Variants in KDM2B observed in about 807,000 individuals in gnomAD.
The protein encoded by KDM2B is lysine-specific demethylase 2B.
Under a neutral mutation model 150.0 loss-of-function variants are expected in KDM2B, and 26 were observed. The observed-to-expected ratio is 0.17, with a 90% confidence interval of 0.13 to 0.24. The LOEUF is 0.24. Among genes scored for constraint, KDM2B ranks in the 10% least tolerant of loss-of-function variants. KDM2B has a pLI of 1.00. For synonymous variants in KDM2B, 734 were observed against 729.5 expected, an observed-to-expected ratio of 1.01 and a Z score of -0.10; for missense variants, 1,265 against 1,816.9, an observed-to-expected ratio of 0.70 and a Z score of 5.52.
the KDM2B span, chr12:121,423,316 C>T: frequency 4.0e-5 from 52 of 1,309,734 alleles, no homozygotes; most frequent in South Asian, 2.4e-4. This position sits in a 1 kb window ranked among gnomAD's most constrained non-coding sequence, Gnocchi z 4.3. Flanking sequence ...TGCTCAGCTT[C>T]GGACTGGGAG....
At chr12:121,551,339 C>A (rs1889472642) in intron 4 of KDM2B, among the ~76,000 whole-genome samples, 1 of 151,158 alleles carries the variant, frequency 6.6e-6, no homozygotes, top group African/African-American at 2.4e-5. Context: ...CAGCAAGATT[C>A]CATTCTTTTT....
intron 11 of KDM2B, among the ~76,000 whole-genome samples, chr12:121,495,304 G>T (rs1343340857): frequency 2.0e-5 from 3 of 152,064 alleles, no homozygotes; most frequent in Non-Finnish European, 4.4e-5. Context: ...GTGAATGCAG[G>T]TGTGCACCAC....
intron 6 of KDM2B, among the ~76,000 whole-genome samples, chr12:121,535,210 C>CAAA (rs34287525): frequency 7.8e-6 from 1 of 128,906 alleles, no homozygotes; most frequent in East Asian, 2.2e-4. Flanking sequence ...GTTAAATGAC[C>CAAA]AAAAAAAAAA....
chr12:121,523,448 C>T (rs76215871), intron 8 of KDM2B, among the ~76,000 whole-genome samples: 4,048 of 152,322 alleles, frequency 0.027, 173 homozygotes, highest in African/African-American at 0.093. Flanking sequence ...GTCCCCTCCT[C>T]TCCCAGCCAT....
At chr12:121,408,982 T>C in the KDM2B span, among the ~76,000 whole-genome samples, 1 of 152,054 alleles carries the variant, frequency 6.6e-6, no homozygotes, top group African/African-American at 2.4e-5. Flanking sequence ...CCCTTTCTTT[T>C]TTTTTTTGAG....
rs1209767461 is a variant in KDM2B, at chr12:121,467,309, C to T, written c.1735-13965G>A. On this transcript the variant is annotated intron_variant, in intron 12 of 22. Coordinates refer to ENST00000377071, the MANE Select transcript of KDM2B (RefSeq NM_032590.5). This position sits in a 1 kb window ranked among gnomAD's most constrained non-coding sequence, Gnocchi z 5.1. ...CAGGCTCGGCTCGCCCTGGCTCGGG[C>T]TCGGGCTCGGGCTCGGGCTCCCGCT... 8 of 982,498 alleles carry T rather than the reference C, an allele frequency of 8.1e-6. No homozygotes were observed. The highest frequency in any genetic ancestry group is 9.7e-6 in the Non-Finnish European group (8 of 828,950). The allele number at this position is 982,498 out of a possible 1,614,324, so 60.9% of individuals were successfully genotyped here.
rs148693185 is a variant in KDM2B at position 121,518,944 on chromosome 12, T to C, written c.1047+2041A>G. Among the ~76,000 whole-genome samples, 1,190 of 152,252 alleles carry C rather than the reference T, an allele frequency of 7.8e-3. 11 individuals carry two copies. The highest frequency in any genetic ancestry group is 0.028 in the African/African-American group (1,143 of 41,538). Reference sequence around the variant, plus strand: ...ATCCAAACAGTGCCTTTCTCCTGAATGGCATGGGGCGGCTCCTCCAGACCA... The same window carrying C: ...ATCCAAACAGTGCCTTTCTCCTGAACGGCATGGGGCGGCTCCTCCAGACCA... On this transcript the variant is annotated intron_variant, in intron 9 of 22. Coordinates refer to ENST00000377071, the MANE Select transcript of KDM2B (RefSeq NM_032590.5). This position sits in a 1 kb window ranked among gnomAD's most constrained non-coding sequence, Gnocchi z 4.4.
intron 1 of KDM2B, chr12:121,580,237 C>T: frequency 1.5e-6 from 2 of 1,323,644 alleles, no homozygotes; most frequent in Non-Finnish European, 1.9e-6. Context: ...CCTAGGAAAC[C>T]ATTTTCAGCA....
At chr12:121,436,585 C>T (rs1024049765) in intron 22 of KDM2B, among the ~76,000 whole-genome samples, 4 of 150,656 alleles carry the variant, frequency 2.7e-5, no homozygotes, top group Admixed American at 6.6e-5. Flanking sequence ...AGCAAAAAGA[C>T]ATTGACATGG....
At chr12:121,463,661 G>A (rs1280009195) in intron 12 of KDM2B, among the ~76,000 whole-genome samples, 1 of 152,168 alleles carries the variant, frequency 6.6e-6, no homozygotes, top group African/African-American at 2.4e-5. Flanking sequence ...ACTCACTGCA[G>A]CTTCGAACTC....
chr12:121,558,643 C>T lies in KDM2B; in HGVS notation c.398-9005G>A, dbSNP rs567214458. Among the ~76,000 whole-genome samples the T allele has an allele frequency of 1.2e-3, 186 of 152,000 alleles. 1 individual carries two copies. The highest frequency in any genetic ancestry group is 1.7e-3 in the South Asian group (8 of 4,804). On this transcript the variant is annotated intron_variant, in intron 4 of 22. Transcript: ENST00000377071. Reference sequence around the variant, plus strand: ...CTAATTTTTGTATTTTTTGTAGAGACGGGGTTTCCTCATGTTGGCCAAGAT... The same window carrying T: ...CTAATTTTTGTATTTTTTGTAGAGATGGGGTTTCCTCATGTTGGCCAAGAT...
Position 121,444,557 on chromosome 12 carries a change from C to T in KDM2B, c.2104-21G>A, listed in dbSNP as rs1330429545. On this transcript the variant is annotated intron_variant, in intron 14 of 22. Transcript: ENST00000377071. ...TTAATCTGCGGGGAACACCAGGACTCAGAAGAGGGACGGGCGGAGAAGATG... is the reference window on the plus strand; with the variant it reads ...TTAATCTGCGGGGAACACCAGGACTTAGAAGAGGGACGGGCGGAGAAGATG... 5 of 1,609,356 alleles carry T rather than the reference C, an allele frequency of 3.1e-6. No homozygotes were observed. The East Asian group carries it at 1.1e-4, about 36-fold the overall frequency.
chr12:121,577,191 G>A (rs1200531291), intron 2 of KDM2B, among the ~76,000 whole-genome samples: 3 of 152,048 alleles, frequency 2.0e-5, no homozygotes, highest in Non-Finnish European at 4.4e-5. Flanking sequence ...CTCCCTGGCT[G>A]GAATACCGGC....
rs1193822807 is a variant in KDM2B, at chr12:121,549,282, T to C, written c.576+178A>G. 2.0e-5 allele frequency among the ~76,000 whole-genome samples: 3 copies of C among 151,914 alleles called. No individual in the cohort carries two copies. Among genetic ancestry groups the C allele is most frequent in the African/African-American group, 7.3e-5 (3 of 41,340 alleles). On this transcript the variant is annotated intron_variant, in intron 5 of 22. Coordinates refer to ENST00000377071, the MANE Select transcript of KDM2B (RefSeq NM_032590.5). The surrounding 1 kb of genome is among the most constrained non-coding windows in gnomAD (Gnocchi z 4.4). The stretch of plus-strand genomic sequence containing the variant: ...GAGTTCAAGGCCAGCCTGGGCAACA[T>C]AGCAAGATCCCTGTCTCTACAAACC...
At chr12:121,554,506 G>A (rs1475767324) in intron 4 of KDM2B, among the ~76,000 whole-genome samples, 1 of 151,930 alleles carries the variant, frequency 6.6e-6, no homozygotes, top group African/African-American at 2.4e-5. Flanking sequence ...TGCCTCCCAG[G>A]TTCAAGCGAT....
intron 8 of KDM2B, among the ~76,000 whole-genome samples, chr12:121,530,008 C>G (rs1371301784): frequency 6.6e-6 from 1 of 150,720 alleles, no homozygotes; most frequent in Non-Finnish European, 1.5e-5. Context: ...GTGGGCAGAT[C>G]ATGAGGTCAG....
At chr12:121,547,460 A>T (rs147127922) in intron 6 of KDM2B, among the ~76,000 whole-genome samples, 1 of 152,256 alleles carries the variant, frequency 6.6e-6, no homozygotes, top group East Asian at 1.9e-4. Flanking sequence ...TGCAGTCCGC[A>T]CTCACTATGC....
At chr12:121,534,118 G>C (rs1013627414) in intron 7 of KDM2B, among the ~76,000 whole-genome samples, 1 of 152,172 alleles carries the variant, frequency 6.6e-6, no homozygotes, top group Non-Finnish European at 1.5e-5. Context: ...GGGAGGCCAA[G>C]GCGGGCGGAT....
chr12:121,532,703 C>T (rs1887768184), intron 8 of KDM2B, 103 bp downstream of exon 8: 1 of 1,251,558 alleles, frequency 8.0e-7, no homozygotes, highest in Non-Finnish European at 1.1e-6. Flanking sequence ...CTGCCAATGG[C>T]CTGTCAAACC....
Sources: allele counts gnomAD v4.1 joint callset (sites outside exome capture counted in the v4.1 genomes callset), GRCh38; gene constraint gnomAD v4.1.1; non-coding constraint Gnocchi (gnomAD v3.1); transcripts MANE v1.5; gene names NCBI Gene and HGNC (gene_info 2026-07-23, HGNC 2026-07-21).